The following ZNF487 variants were observed in gnomAD, a reference collection of about 807,000 sequenced individuals.
The protein encoded by ZNF487 is KRAB domain only 1.
A neutral mutation model predicts 3.0 loss-of-function variants in ZNF487; 4 were observed. The ratio of observed to expected loss-of-function variants is 1.35; its 90% confidence interval spans 0.66 to 3.08. The LOEUF is 3.08. Ranked by LOEUF, ZNF487 falls within the 30% of genes most tolerant of loss-of-function variation. The pLI, the probability that ZNF487 is intolerant of heterozygous loss-of-function variation, is 0.01. For synonymous variants in ZNF487, 55 were observed against 34.6 expected (o/e 1.59, Z -2.06); for missense variants, 146 against 98.7 (o/e 1.48, Z -2.03).
At chr10:43,496,074 T>C in the ZNF487 span, 1 of 534,462 alleles carries the variant, frequency 1.9e-6, no homozygotes, top group Non-Finnish European at 3.8e-6. Flanking sequence ...TGGTAGCATC[T>C]GGGCCCTATT....
chr10:43,455,219 G>A (rs550240592), intron 1 of ZNF487, among the ~76,000 whole-genome samples: 1 of 152,086 alleles, frequency 6.6e-6, no homozygotes, highest in East Asian at 1.9e-4. Context: ...CACCGTGTTA[G>A]CCAGGATGGT....
chr10:43,517,281 T>C, the ZNF487 span, among the ~76,000 whole-genome samples: 2 of 152,266 alleles, frequency 1.3e-5, no homozygotes, highest in Admixed American at 6.5e-5. Context: ...GTACACACAA[T>C]GTTAATACAA....
intron 3 of ZNF487, among the ~76,000 whole-genome samples, chr10:43,478,251 C>G (rs1841175766): frequency 6.6e-6 from 1 of 151,930 alleles, no homozygotes. Flanking sequence ...GAGGACCCAT[C>G]TGTACAAAAA....
the ZNF487 span, chr10:43,496,178 C>A: frequency 2.1e-6 from 1 of 465,912 alleles, no homozygotes; most frequent in South Asian, 1.5e-5. Context: ...AAATAGCATT[C>A]ATTTCTTTTT....
chr10:43,467,571 C>T (rs1025118011), intron 1 of ZNF487, among the ~76,000 whole-genome samples: 3 of 151,886 alleles, frequency 2.0e-5, no homozygotes, highest in Non-Finnish European at 4.4e-5. Context: ...AATCCCAGCA[C>T]TTTGGGAGGC....
intron 1 of ZNF487, among the ~76,000 whole-genome samples, chr10:43,472,635 T>G (rs1840943718): frequency 6.6e-6 from 1 of 152,128 alleles, no homozygotes; most frequent in African/African-American, 2.4e-5. Flanking sequence ...AAAGCCAAAG[T>G]TCCACCAGTG....
At chr10:43,480,914 T>G (rs76508861) in intron 3 of ZNF487, among the ~76,000 whole-genome samples, 1 of 152,254 alleles carries the variant, frequency 6.6e-6, no homozygotes, top group East Asian at 1.9e-4. Flanking sequence ...ATAAGTGAAA[T>G]CTCAGACTAT....
intron 1 of ZNF487, among the ~76,000 whole-genome samples, chr10:43,474,486 A>G (rs891092904): frequency 1.3e-4 from 20 of 151,814 alleles, no homozygotes; most frequent in Non-Finnish European, 2.5e-4. Context: ...TATTGCTTGA[A>G]CCCAGGAATT....
the ZNF487 span, among the ~76,000 whole-genome samples, chr10:43,497,459 A>G: frequency 6.6e-6 from 1 of 152,192 alleles, no homozygotes; most frequent in East Asian, 1.9e-4. Flanking sequence ...TCTGGCTTTC[A>G]TGAAGAGAAC....
chr10:43,520,829 A>G, the ZNF487 span, among the ~76,000 whole-genome samples: 1 of 152,164 alleles, frequency 6.6e-6, no homozygotes, highest in African/African-American at 2.4e-5. Flanking sequence ...GCAATTATGG[A>G]GGAAAGATGG....
intron 3 of ZNF487, among the ~76,000 whole-genome samples, chr10:43,480,284 T>C (rs1376736259): frequency 6.6e-6 from 1 of 150,434 alleles, no homozygotes; most frequent in East Asian, 2.0e-4. Flanking sequence ...ATTTTTGTAT[T>C]TTGAGTAGAG....
rs573482497 is a variant in ZNF487, at chr10:43,472,499, G to A, written c.-93-3222G>A. 6.6e-5 allele frequency among the ~76,000 whole-genome samples: 10 copies of A among 152,206 alleles called. No individual in the cohort carries two copies. The East Asian group carries it at 7.7e-4, about 12-fold the overall frequency. On this transcript the variant is annotated intron_variant, in intron 1 of 3. Coordinates refer to ENST00000437590, the MANE Select transcript of ZNF487 (RefSeq NM_001355444.3). ...ATCTTTTGCCTGGATTACAGCAACC[G>A]TTGCAGAGCAGTCTTGCTGCTGCTC...
intron 1 of ZNF487, among the ~76,000 whole-genome samples, chr10:43,442,067 A>T (rs929458573): frequency 5.9e-5 from 9 of 152,242 alleles, no homozygotes; most frequent in African/African-American, 1.7e-4. Context: ...ACGAAAAAAA[A>T]TTTTAAATTT....
the ZNF487 span, among the ~76,000 whole-genome samples, chr10:43,523,062 T>G: frequency 1.3e-5 from 2 of 152,258 alleles, no homozygotes; most frequent in Non-Finnish European, 2.9e-5. Flanking sequence ...ATTTGCAGAT[T>G]CCTCTCCTTT....
chr10:43,494,936 C>CA, the ZNF487 span, among the ~76,000 whole-genome samples: 109,658 of 132,308 alleles, frequency 0.83, 45,522 homozygotes, highest in East Asian at 0.99. Context: ...GACTCCATCT[C>CA]AAAAAAAAAA....
chr10:43,515,791 T>A, the ZNF487 span, among the ~76,000 whole-genome samples: 1 of 152,198 alleles, frequency 6.6e-6, no homozygotes, highest in South Asian at 2.1e-4. Context: ...TTTCTCTTTT[T>A]TTTTGACGGA....
At chr10:43,462,569 C>T (rs1310946600) in intron 1 of ZNF487, among the ~76,000 whole-genome samples, 1 of 150,436 alleles carries the variant, frequency 6.6e-6, no homozygotes, top group Non-Finnish European at 1.5e-5. Context: ...GACTCTTCTG[C>T]CTCAGCCTCC....
chr10:43,503,610 T>C, the ZNF487 span, among the ~76,000 whole-genome samples: 6 of 152,224 alleles, frequency 3.9e-5, no homozygotes, highest in East Asian at 9.7e-4. Flanking sequence ...TTAGTCTTTT[T>C]GTTTATTTGT....
At chr10:43,519,897 G>A in the ZNF487 span, among the ~76,000 whole-genome samples, 3 of 152,150 alleles carry the variant, frequency 2.0e-5, no homozygotes, top group Non-Finnish European at 4.4e-5. Flanking sequence ...AACATGTAGT[G>A]CTCCTTATCT....
Sources: allele counts gnomAD v4.1 joint callset (sites outside exome capture counted in the v4.1 genomes callset), GRCh38; gene constraint gnomAD v4.1.1; transcripts MANE v1.5; gene names NCBI Gene and HGNC (gene_info 2026-07-23, HGNC 2026-07-21).